The following ZNF251 variants were observed in gnomAD, a reference collection of about 807,000 sequenced individuals.
ZNF251 encodes zinc finger protein 251.
Under a neutral mutation model 13.5 loss-of-function variants are expected in ZNF251, and 14 were observed. That is an observed-to-expected ratio of 1.04 (90% CI 0.69 to 1.63). The LOEUF (loss-of-function observed/expected upper bound fraction) is 1.63. Among genes scored for constraint, ZNF251 ranks in the 40% most tolerant of loss-of-function variants. The pLI, the probability that ZNF251 is intolerant of heterozygous loss-of-function variation, is 0.00. For synonymous variants in ZNF251, 287 were observed against 295.2 expected (o/e 0.97, Z 0.28); for missense variants, 764 against 834.9 (o/e 0.92, Z 1.05).
Position 144,734,453 on chromosome 8 carries a change from C to T in ZNF251, c.278-11071G>A, listed in dbSNP as rs1006588699. ...TCCTGCCCCACCGGACGCTGGAGGC[C>T]TCCACCTGGCTCTGAGATGAGTGTA... On this transcript the variant is annotated intron_variant, in intron 4 of 4. Coordinates refer to ENST00000292562, the MANE Select transcript of ZNF251 (RefSeq NM_138367.2). This position sits in a 1 kb window ranked among gnomAD's most constrained non-coding sequence, Gnocchi z 4.4. Among the ~76,000 whole-genome samples the T allele has an allele frequency of 6.6e-6, 1 of 152,232 alleles. No homozygotes were observed.
intron 4 of ZNF251, among the ~76,000 whole-genome samples, chr8:144,747,470 T>C (rs1824483569): frequency 6.6e-6 from 1 of 152,286 alleles, no homozygotes; most frequent in South Asian, 2.1e-4. Flanking sequence ...TATTCCCAGC[T>C]GACTGATGTG....
chr8:144,748,532 G>A (rs1344495267), intron 4 of ZNF251, among the ~76,000 whole-genome samples: 1 of 147,318 alleles, frequency 6.8e-6, no homozygotes, highest in African/African-American at 2.5e-5. Context: ...CTTTTTTTTT[G>A]TTCATGGCAA....
rs1823398310 is a variant in ZNF251 at position 144,722,399 on chromosome 8, T to C, written c.1261A>G (p.Thr421Ala). 1 of 1,613,880 alleles carries C rather than the reference T, an allele frequency of 6.2e-7. No homozygotes were observed. Among genetic ancestry groups the C allele is most frequent in the Non-Finnish European group, 8.5e-7 (1 of 1,179,870 alleles). Residue 421 changes from threonine to alanine, a missense_variant, in exon 5 of 5, where the codon ACT becomes GCT. Transcript: ENST00000292562. The surrounding 1 kb of genome is among the most constrained non-coding windows in gnomAD (Gnocchi z 4.8). ...GRAFGFNSHL[T>A]EHVRIHTGEK... ...CCTGTGTGAATCCTTACGTGTTCAG[T>C]AAGATGAGAGTTAAAACCAAAGGCT...
At chr8:144,729,497 C>T (rs182491519) in intron 4 of ZNF251, among the ~76,000 whole-genome samples, 9,928 of 151,428 alleles carry the variant, frequency 0.066, 1,030 homozygotes, top group African/African-American at 0.22. Flanking sequence ...CCACCACGCC[C>T]GGCTAATTTT....
intron 4 of ZNF251, among the ~76,000 whole-genome samples, chr8:144,733,367 C>T (rs1383859154): frequency 6.6e-6 from 1 of 152,166 alleles, no homozygotes; most frequent in African/African-American, 2.4e-5. Context: ...ATGTTGAGAC[C>T]CCACCTCTAA....
chr8:144,739,477 C>T (rs1183581376), intron 4 of ZNF251, among the ~76,000 whole-genome samples: 1 of 152,220 alleles, frequency 6.6e-6, no homozygotes, highest in Non-Finnish European at 1.5e-5. Flanking sequence ...TAGACTCCAA[C>T]CTACAGGGCT....
intron 4 of ZNF251, among the ~76,000 whole-genome samples, chr8:144,725,558 C>T (rs1215482739): frequency 6.6e-6 from 1 of 152,166 alleles, no homozygotes; most frequent in East Asian, 1.9e-4. Flanking sequence ...TCCCAAAGTG[C>T]TGGGATTACA....
Position 144,754,740 on chromosome 8 carries a change from G to C in ZNF251, c.-12C>G. The C allele has an allele frequency of 6.2e-7, 1 of 1,611,902 alleles. No individual in the cohort carries two copies. Among genetic ancestry groups the C allele is most frequent in the Non-Finnish European group, 8.5e-7 (1 of 1,179,086 alleles). On this transcript the variant is annotated 5_prime_UTR_variant, in exon 2 of 5. Transcript: ENST00000292562. ...AATGTGGCTGCCATTCTGTGTGCATGGGCTGCTGTGGTTTCCAAGAGAAGA... is the reference window on the plus strand; with the variant it reads ...AATGTGGCTGCCATTCTGTGTGCATCGGCTGCTGTGGTTTCCAAGAGAAGA...
intron 4 of ZNF251, among the ~76,000 whole-genome samples, chr8:144,749,809 T>C (rs1357753984): frequency 6.6e-6 from 1 of 152,144 alleles, no homozygotes; most frequent in Admixed American, 6.5e-5. Flanking sequence ...AAAGGCACTG[T>C]TCCTTTCGGT....
intron 4 of ZNF251, among the ~76,000 whole-genome samples, chr8:144,741,537 A>C (rs770893151): frequency 1.3e-5 from 2 of 152,254 alleles, no homozygotes; most frequent in Non-Finnish European, 2.9e-5. Flanking sequence ...TCTGACCCTG[A>C]AATGAGTCAG....
intron 4 of ZNF251, among the ~76,000 whole-genome samples, chr8:144,743,682 T>C (rs1824276123): frequency 6.6e-6 from 1 of 152,218 alleles, no homozygotes; most frequent in Non-Finnish European, 1.5e-5. Flanking sequence ...CCACCTGCAA[T>C]GAATCAGAGT....
intron 4 of ZNF251, among the ~76,000 whole-genome samples, chr8:144,743,605 GGT>G (rs1170391868): frequency 1.3e-5 from 2 of 152,196 alleles, no homozygotes; most frequent in Admixed American, 6.5e-5. Flanking sequence ...TGGATCACAT[GGT>G]AAAGGTATGT....
At chr8:144,755,122 G>C in intron 1 of ZNF251, 8 of 1,217,642 alleles carry the variant, frequency 6.6e-6, no homozygotes, top group South Asian at 1.7e-5. Context: ...AGCCACGTGA[G>C]GGTGCAGCCT....
intron 4 of ZNF251, among the ~76,000 whole-genome samples, chr8:144,727,205 G>C (rs1304200742): frequency 1.3e-5 from 2 of 152,236 alleles, no homozygotes; most frequent in African/African-American, 4.8e-5. Context: ...CTGTAGAGCT[G>C]ATAATGCTTT....
At chr8:144,747,931 A>C (rs958098946) in intron 4 of ZNF251, among the ~76,000 whole-genome samples, 3 of 151,712 alleles carry the variant, frequency 2.0e-5, no homozygotes, top group Non-Finnish European at 2.9e-5. Context: ...GTTTTTAGAG[A>C]TAGTGTCTCA....
intron 4 of ZNF251, among the ~76,000 whole-genome samples, chr8:144,725,466 A>AT (rs963518095): frequency 1.3e-4 from 19 of 151,018 alleles, no homozygotes; most frequent in South Asian, 2.1e-4. Flanking sequence ...CTAATTCCTT[A>AT]TTTTTTTGTA....
At chr8:144,755,152 AG>A in intron 1 of ZNF251, 1 of 1,189,402 alleles carries the variant, frequency 8.4e-7, no homozygotes, top group South Asian at 1.6e-5. Context: ...TGAGGACGTG[AG>A]AAGGAGGCCG....
chr8:144,752,012 A>G (rs1160771177), intron 4 of ZNF251, among the ~76,000 whole-genome samples: 1 of 152,156 alleles, frequency 6.6e-6, no homozygotes, highest in Admixed American at 6.5e-5. Flanking sequence ...AGTAAGTCTT[A>G]TAATACAGCT....
chr8:144,747,564 A>G (rs1485584513), intron 4 of ZNF251, among the ~76,000 whole-genome samples: 1 of 152,208 alleles, frequency 6.6e-6, no homozygotes, highest in African/African-American at 2.4e-5. Context: ...CAGACAGTGA[A>G]CTCATCTATT....
Sources: gnomAD v4.1 joint callset for allele counts (sites outside exome capture counted in the v4.1 genomes callset) on GRCh38, gnomAD v4.1.1 for gene constraint, Gnocchi (gnomAD v3.1) non-coding constraint, MANE v1.5 for transcripts, NCBI Gene and HGNC (gene_info 2026-07-23, HGNC 2026-07-21) for gene names.